Variants in BMPR1B observed in about 807,000 individuals in gnomAD.
BMPR1B encodes the protein bone morphogenetic protein receptor type 1B.
BMPR1B carries 12 observed loss-of-function variants against 59.1 expected under a neutral mutation model. The ratio of observed to expected loss-of-function variants is 0.20; its 90% CI spans 0.13 to 0.33. The LOEUF (loss-of-function observed/expected upper bound fraction) is 0.33. Among genes scored for constraint, BMPR1B ranks in the 10% least tolerant of loss-of-function variants. The pLI, the probability that BMPR1B is intolerant of heterozygous loss-of-function variation, is 1.00. For missense variants in BMPR1B, 550 were observed against 610.9 expected (o/e 0.90, Z 1.05); for synonymous variants, 237 against 207.3 (o/e 1.14, Z -1.23).
At chr4:95,126,460 TTAAAAC>T (rs1397728084) in intron 8 of BMPR1B, among the ~76,000 whole-genome samples, 2 of 152,204 alleles carry the variant, frequency 1.3e-5, no homozygotes, top group African/African-American at 4.8e-5. Flanking sequence ...ACATTGGCCT[TTAAAAC>T]TAAATCAAAT....
intron 3 of BMPR1B, among the ~76,000 whole-genome samples, chr4:95,063,955 G>A (rs1455967480): frequency 6.6e-6 from 1 of 152,132 alleles, no homozygotes; most frequent in Admixed American, 6.6e-5. Flanking sequence ...ATAGTCAGCA[G>A]ATTGGCAAAA....
intron 3 of BMPR1B, among the ~76,000 whole-genome samples, chr4:95,053,993 A>T (rs1293254562): frequency 6.6e-6 from 1 of 152,190 alleles, no homozygotes; most frequent in African/African-American, 2.4e-5. Context: ...AAAGGAAAAT[A>T]CGAAACACTG....
intron 4 of BMPR1B, among the ~76,000 whole-genome samples, chr4:95,106,825 A>C (rs1432070184): frequency 6.6e-6 from 1 of 151,922 alleles, no homozygotes; most frequent in Non-Finnish European, 1.5e-5. Context: ...TTTTTCATTC[A>C]GGGGTTTGTA....
At chr4:94,836,127 T>C (rs1347717975) in intron 1 of BMPR1B, among the ~76,000 whole-genome samples, 4 of 148,754 alleles carry the variant, frequency 2.7e-5, no homozygotes, top group Admixed American at 2.7e-4. Flanking sequence ...CCATGGTGTA[T>C]ATGTGCCACA....
At chr4:94,896,134 G>T (rs1350616958) in intron 2 of BMPR1B, among the ~76,000 whole-genome samples, 1 of 151,878 alleles carries the variant, frequency 6.6e-6, no homozygotes, top group African/African-American at 2.4e-5. Context: ...ATATATCTTT[G>T]CTAATACTAA....
intron 2 of BMPR1B, among the ~76,000 whole-genome samples, chr4:94,879,155 C>T (rs1420981788): frequency 1.3e-5 from 2 of 152,092 alleles, no homozygotes; most frequent in African/African-American, 4.8e-5. Context: ...TTCTCATTTC[C>T]AGATGAGTAC....
At chr4:94,811,479 G>C (rs58150305) in intron 1 of BMPR1B, among the ~76,000 whole-genome samples, 1 of 152,044 alleles carries the variant, frequency 6.6e-6, no homozygotes, top group Non-Finnish European at 1.5e-5. Flanking sequence ...CTGTTTGCTC[G>C]AATAGCTGTA....
intron 1 of BMPR1B, among the ~76,000 whole-genome samples, chr4:94,861,272 CCT>C (rs1356148725): frequency 2.6e-5 from 4 of 152,148 alleles, no homozygotes; most frequent in Non-Finnish European, 5.9e-5. Context: ...CACTTGCTTA[CCT>C]CTCACAGGTG....
chr4:94,978,791 A>G (rs1731122939), intron 2 of BMPR1B, among the ~76,000 whole-genome samples: 1 of 152,114 alleles, frequency 6.6e-6, no homozygotes, highest in Non-Finnish European at 1.5e-5. Flanking sequence ...TGCTGCTAAT[A>G]AAGACATACC....
intron 10 of BMPR1B, among the ~76,000 whole-genome samples, chr4:95,134,179 A>G (rs1023000072): frequency 3.3e-5 from 5 of 152,262 alleles, no homozygotes; most frequent in Non-Finnish European, 5.9e-5. Context: ...AGTTTCATCC[A>G]TGTCCCTACA....
chr4:95,059,191 T>C (rs59567606), intron 3 of BMPR1B, among the ~76,000 whole-genome samples: 2 of 152,230 alleles, frequency 1.3e-5, no homozygotes, highest in African/African-American at 4.8e-5. Context: ...ACAACAACAA[T>C]AATCACAAAA....
intron 1 of BMPR1B, among the ~76,000 whole-genome samples, chr4:94,759,488 T>A (rs1398478491): frequency 6.6e-6 from 1 of 152,244 alleles, no homozygotes; most frequent in Non-Finnish European, 1.5e-5. Flanking sequence ...TGCCAACGAA[T>A]CTCTGTTTTC....
chr4:94,847,487 C>A (rs1037678419), intron 1 of BMPR1B, among the ~76,000 whole-genome samples: 2 of 152,138 alleles, frequency 1.3e-5, no homozygotes, highest in African/African-American at 4.8e-5. Context: ...TTTGCACTCC[C>A]ATGTTTATTG....
chr4:94,772,557 T>G (rs1331965915), intron 1 of BMPR1B, among the ~76,000 whole-genome samples: 3 of 152,192 alleles, frequency 2.0e-5, no homozygotes, highest in Non-Finnish European at 4.4e-5. Context: ...AATGAACACA[T>G]TTTTGCTAAT....
intron 2 of BMPR1B, among the ~76,000 whole-genome samples, chr4:94,958,012 A>T (rs1730221496): frequency 6.6e-6 from 1 of 152,194 alleles, no homozygotes; most frequent in South Asian, 2.1e-4. Flanking sequence ...TAAAAGGTAA[A>T]AAAATGTTTT....
At chr4:94,763,573 A>T (rs1189011022) in intron 1 of BMPR1B, among the ~76,000 whole-genome samples, 1 of 152,240 alleles carries the variant, frequency 6.6e-6, no homozygotes, top group Non-Finnish European at 1.5e-5. Flanking sequence ...AAAGGAAAAA[A>T]AAGATACAAT....
At chr4:94,760,105 C>G (rs1485870282) in intron 1 of BMPR1B, among the ~76,000 whole-genome samples, 1 of 152,140 alleles carries the variant, frequency 6.6e-6, no homozygotes, top group Non-Finnish European at 1.5e-5. Flanking sequence ...ATTTTAATGG[C>G]ACTGATTTGT....
At position 95,080,763 on chromosome 4, in the gene BMPR1B, C is replaced by A. The variant is rs188015371; in HGVS notation, c.-17-23645C>A. Among the ~76,000 whole-genome samples, 543 of 152,138 alleles carry A rather than the reference C, an allele frequency of 3.6e-3. 1 individual carries two copies. Among genetic ancestry groups the A allele is most frequent in the Non-Finnish European group, 6.4e-3 (435 of 68,006 alleles). ...CAGTGAAAACAACCAACCAAACCAA[C>A]CAACCAAAGAAATAAAAGGAAGCTT... On this transcript the variant is annotated intron_variant, in intron 3 of 12. Transcript: ENST00000515059.
chr4:95,131,361 G>A lies in BMPR1B; in HGVS notation c.925G>A (p.Val309Ile), dbSNP rs757988979. 7 of 1,613,954 alleles carry A rather than the reference G, an allele frequency of 4.3e-6. No individual in the cohort carries two copies. The highest frequency in any genetic ancestry group is 3.3e-5 in the South Asian group (3 of 91,068). Residue 309 changes from valine to isoleucine, a missense_variant, in exon 10 of 13, where the codon GTC becomes ATC. Val to Ile is a conservative substitution (Grantham distance 29). Transcript: ENST00000515059. ...KSMLKLAYSS[V>I]SGLCHLHTEI... ...AATGCTGAAGTTAGCCTACTCTTCT[G>A]TCAGTGGCTTATGTCATTTACACAC...
Sources: allele counts gnomAD v4.1 joint callset (sites outside exome capture counted in the v4.1 genomes callset), GRCh38; gene constraint gnomAD v4.1.1; transcripts MANE v1.5; gene names NCBI Gene and HGNC (gene_info 2026-07-23, HGNC 2026-07-21).